TDRD12: variants seen among roughly 807,000 people sequenced by gnomAD.
The protein encoded by TDRD12 is putative ATP-dependent RNA helicase TDRD12.
A neutral mutation model predicts 133.5 loss-of-function variants in TDRD12; 158 were observed. The observed-to-expected ratio is 1.18, with a 90% CI of 1.04 to 1.35. The LOEUF (loss-of-function observed/expected upper bound fraction) is 1.35. Among genes scored for constraint, TDRD12 ranks in the 40% most tolerant of loss-of-function variants. The pLI is 0.00. For synonymous variants in TDRD12, 460 were observed against 477.9 expected (o/e 0.96, Z 0.49); for missense variants, 1,443 against 1,321.3 (o/e 1.09, Z -1.43).
chr19:32,772,693 C>T, intron 8 of TDRD12, 60 bp from the exon 9 acceptor site: 1 of 978,672 alleles, frequency 1.0e-6, no homozygotes, highest in Non-Finnish European at 1.5e-6. Flanking sequence ...CCTTTTTATC[C>T]TATTTTCTAT....
Position 32,731,718 on chromosome 19 carries a change from T to C in TDRD12, c.25-7T>C, listed in dbSNP as rs950354459. 1.3e-6 allele frequency: 2 copies of C among 1,528,510 alleles called. No homozygotes were observed. The highest frequency in any genetic ancestry group is 2.8e-5 in the African/African-American group (2 of 71,698). 94.7% of individuals were successfully genotyped at this position (1,528,510 alleles called of 1,614,324 possible). The stretch of plus-strand genomic sequence containing the variant: ...GCTGTTCTGTTTGTCTTTTAAAAAA[T>C]TTACAGATTGAAGATCCAGGTTGCT... On this transcript the variant is annotated splice_region_variant and splice_polypyrimidine_tract_variant and intron_variant, in intron 1 of 27. Coordinates refer to ENST00000444215, the Ensembl canonical transcript of TDRD12.
chr19:32,749,495 G>A (rs746585763), intron 5 of TDRD12, among the ~76,000 whole-genome samples: 4 of 152,168 alleles, frequency 2.6e-5, no homozygotes, highest in Non-Finnish European at 5.9e-5. Flanking sequence ...GGGCTTTGCA[G>A]GGTAGAATGG....
At chr19:32,771,328 G>A (rs1462706443) in intron 8 of TDRD12, among the ~76,000 whole-genome samples, 1 of 152,030 alleles carries the variant, frequency 6.6e-6, no homozygotes, top group African/African-American at 2.4e-5. Context: ...GCGTCACCAC[G>A]CCTAGATAAC....
downstream of TDRD12, among the ~76,000 whole-genome samples, chr19:32,825,557 T>C (rs575195475): frequency 1.3e-5 from 2 of 152,310 alleles, no homozygotes; most frequent in East Asian, 1.9e-4. The surrounding 1 kb of genome is among the most constrained non-coding windows in gnomAD (Gnocchi z 4.1). Flanking sequence ...CATTGAATTT[T>C]AATACTTGTC....
chr19:32,748,505 T>TA lies in TDRD12; in HGVS notation c.470_471insA (p.Gln158SerfsTer26), dbSNP rs780900314. 1 of 1,551,858 alleles carries TA rather than the reference T, an allele frequency of 6.4e-7. No individual in the cohort carries two copies. The highest frequency in any genetic ancestry group is 1.2e-5 in the South Asian group (1 of 84,048). ...GCCAAGAAGTGGGACAATGCAGCTA[T>TA]TCAGTACTTTCAGAACCTTCTGAAA... is the stretch of plus-strand genomic sequence containing the variant. On this transcript the variant is annotated frameshift_variant, in exon 5 of 28. Coordinates refer to ENST00000444215, the Ensembl canonical transcript of TDRD12. LOFTEE classifies it high-confidence loss of function.
chr19:32,731,606 T>C, intron 1 of TDRD12, 119 bp from the exon 2 acceptor site: 2 of 887,756 alleles, frequency 2.3e-6, no homozygotes, highest in South Asian at 2.1e-5. Context: ...AGCAAAGGCA[T>C]TTGTCAAGAA....
intron 8 of TDRD12, among the ~76,000 whole-genome samples, chr19:32,762,784 T>G (rs532667345): frequency 6.6e-6 from 1 of 152,320 alleles, no homozygotes; most frequent in African/African-American, 2.4e-5. Flanking sequence ...CAGTCATGTG[T>G]TGCTTACTGA....
exon 9 of TDRD12, chr19:32,772,774 T>C (rs868364617): frequency 2.0e-6 from 3 of 1,515,996 alleles, no homozygotes; most frequent in South Asian, 1.3e-5. Context: ...AAATGTAATA[T>C]GGATTCATTG....
At chr19:32,803,420 G>A (rs981749625) in intron 21 of TDRD12, among the ~76,000 whole-genome samples, 5 of 152,152 alleles carry the variant, frequency 3.3e-5, no homozygotes, top group African/African-American at 7.2e-5. Flanking sequence ...TGTGACATTC[G>A]TCTGTGTTGT....
intron 11 of TDRD12, among the ~76,000 whole-genome samples, chr19:32,785,228 A>G (rs1970873004): frequency 6.6e-6 from 1 of 152,214 alleles, no homozygotes; most frequent in Non-Finnish European, 1.5e-5. Flanking sequence ...TCCAGTAGTC[A>G]TTCAGGAGCA....
chr19:32,811,569 C>T (rs573247636), intron 24 of TDRD12, 149 bp downstream of exon 24: 1 of 723,868 alleles, frequency 1.4e-6, no homozygotes, highest in Admixed American at 2.2e-5. Flanking sequence ...GTGTGAACGT[C>T]CCAGCTGAAC....
chr19:32,764,987 C>T (rs1970254606), intron 8 of TDRD12, among the ~76,000 whole-genome samples: 1 of 152,162 alleles, frequency 6.6e-6, no homozygotes, highest in Non-Finnish European at 1.5e-5. Flanking sequence ...GCAATCTACT[C>T]ATCTGACAAA....
At chr19:32,723,961 G>A (rs1278232227) in intron 1 of TDRD12, among the ~76,000 whole-genome samples, 2 of 151,828 alleles carry the variant, frequency 1.3e-5, no homozygotes, top group African/African-American at 4.8e-5. Context: ...GGGCTCAAGG[G>A]AGCCTCCTGC....
At chr19:32,721,874 A>ATT (rs768611161) in intron 1 of TDRD12, among the ~76,000 whole-genome samples, 26 of 137,302 alleles carry the variant, frequency 1.9e-4, no homozygotes, top group Non-Finnish European at 2.2e-4. Flanking sequence ...CGCCTGGCTA[A>ATT]TTTTTTTTTT....
intron 11 of TDRD12, among the ~76,000 whole-genome samples, chr19:32,777,646 A>G (rs545819134): frequency 4.4e-4 from 66 of 151,382 alleles, no homozygotes; most frequent in Non-Finnish European, 8.5e-4. Context: ...AAATATTTAC[A>G]TAGCAATTTT....
intron 8 of TDRD12, among the ~76,000 whole-genome samples, chr19:32,766,823 C>CA (rs1317838474): frequency 1.3e-5 from 2 of 152,012 alleles, no homozygotes; most frequent in African/African-American, 4.8e-5. Context: ...CTATGTTGGC[C>CA]AGGCTGGTCT....
exon 17 of TDRD12, chr19:32,800,261 A>G (rs2145693898): frequency 6.5e-7 from 1 of 1,535,322 alleles, no homozygotes; most frequent in East Asian, 2.4e-5. Flanking sequence ...GTTCATTGGA[A>G]CAAACATATA....
At chr19:32,776,293 C>T (rs945307533) in intron 10 of TDRD12, among the ~76,000 whole-genome samples, 9 of 152,186 alleles carry the variant, frequency 5.9e-5, no homozygotes, top group Non-Finnish European at 1.2e-4. Context: ...CTCACGCAGT[C>T]TTTGGACCAC....
At chr19:32,822,746 C>CAA (rs61143161), downstream of TDRD12, among the ~76,000 whole-genome samples, 2 of 139,804 alleles carry the variant, frequency 1.4e-5, no homozygotes, top group Admixed American at 7.1e-5. Context: ...GACTCCATCT[C>CAA]AAAAAAAAAA....
Sources: gnomAD v4.1 joint callset for allele counts (sites outside exome capture counted in the v4.1 genomes callset) on GRCh38, gnomAD v4.1.1 for gene constraint, Gnocchi (gnomAD v3.1) non-coding constraint, MANE v1.5 for transcripts, NCBI Gene and HGNC (gene_info 2026-07-23, HGNC 2026-07-21) for gene names.